LRP1B: variants seen among roughly 807,000 people sequenced by gnomAD.
LRP1B encodes the protein low-density lipoprotein receptor-related protein 1B.
A neutral mutation model predicts 556.6 loss-of-function variants in LRP1B; 217 were observed. That is an observed-to-expected ratio of 0.39 (90% CI 0.35 to 0.44). The LOEUF is 0.44. Among genes scored for constraint, LRP1B ranks in the 20% least tolerant of loss-of-function variants. LRP1B has a pLI of 1.00. For synonymous variants in LRP1B, 2,047 were observed against 1,865.8 expected (o/e 1.10, Z -2.50); for missense variants, 5,053 against 5,620.8 (o/e 0.90, Z 3.23).
intron 23 of LRP1B, chr2:140,898,622 TC>T (rs1559182075): frequency 2.8e-6 from 1 of 353,240 alleles, no homozygotes; most frequent in Non-Finnish European, 5.6e-6. Context: ...TTGAAGAACC[TC>T]CCCCTGAACA....
In LRP1B at chr2:140,352,973, T is replaced by C; in HGVS notation, c.11630A>G (p.Asn3877Ser). Residue 3877 changes from asparagine (N) to serine (S), a missense_variant, in exon 76 of 91, where the codon AAT (asparagine) becomes AGT (serine). Physicochemically the swap from Asn to Ser is conservative, Grantham distance 46. Around this residue, in one of 5 missense-constraint regions of LRP1B, gnomAD observed 599 missense variants for 648.4 expected, o/e 0.92. Coordinates refer to ENST00000389484, the MANE Select transcript of LRP1B (RefSeq NM_018557.3). ...CTTACCTTCTGCTATGCAGGTGTTA[T>C]TTCTTTCTTGAAAATTCTGGTCACA... ...CVCDQNFQERNNTCIAEGSED... is the reference protein window; with the variant it reads ...CVCDQNFQERSNTCIAEGSED... 6.2e-7 allele frequency: 1 copy of C among 1,612,720 alleles called. No individual in the cohort carries two copies. Among genetic ancestry groups the C allele is most frequent in the African/African-American group, 1.3e-5 (1 of 74,986 alleles).
chr2:140,739,591 T>C (rs557302634), intron 35 of LRP1B, among the ~76,000 whole-genome samples: 1 of 152,216 alleles, frequency 6.6e-6, no homozygotes, highest in Non-Finnish European at 1.5e-5. Flanking sequence ...GAGTTTCTTA[T>C]CATGTTCATC....
chr2:141,751,963 A>G (rs1458246336), intron 2 of LRP1B, among the ~76,000 whole-genome samples: 1 of 151,618 alleles, frequency 6.6e-6, no homozygotes, highest in Non-Finnish European at 1.5e-5. Flanking sequence ...ACATTTTCAA[A>G]CACCACAATA....
At chr2:140,350,687 T>TAATTGAA in intron 77 of LRP1B, 110 bp downstream of exon 77, 1 of 880,334 alleles carries the variant, frequency 1.1e-6, no homozygotes, top group Non-Finnish European at 1.6e-6. Context: ...ATTGGGAGAA[T>TAATTGAA]AATTGAATAT....
intron 3 of LRP1B, among the ~76,000 whole-genome samples, chr2:141,279,601 T>A (rs1573747505): frequency 1.3e-5 from 2 of 152,156 alleles, no homozygotes; most frequent in Admixed American, 1.3e-4. Flanking sequence ...GTCTGACACA[T>A]GAAATATGTC....
At chr2:141,739,005 T>C (rs1693596336) in intron 2 of LRP1B, among the ~76,000 whole-genome samples, 1 of 152,110 alleles carries the variant, frequency 6.6e-6, no homozygotes, top group Admixed American at 6.6e-5. Flanking sequence ...AACACTAACG[T>C]ATGTACACTC....
chr2:141,677,434 A>G (rs1483800195), intron 2 of LRP1B, among the ~76,000 whole-genome samples: 9 of 152,170 alleles, frequency 5.9e-5, no homozygotes, highest in African/African-American at 2.2e-4. Context: ...ACATTATTAC[A>G]GGGGAGTTAT....
intron 3 of LRP1B, among the ~76,000 whole-genome samples, chr2:141,433,998 T>C (rs1469792646): frequency 6.6e-6 from 1 of 151,844 alleles, no homozygotes; most frequent in Admixed American, 6.6e-5. Flanking sequence ...ACTTGATGAG[T>C]TGTTTCCACC....
chr2:141,820,355 G>T (rs1696712697), intron 1 of LRP1B, among the ~76,000 whole-genome samples: 1 of 152,156 alleles, frequency 6.6e-6, no homozygotes, highest in African/African-American at 2.4e-5. Flanking sequence ...GTACATTTTA[G>T]GGGCTAGGGG....
intron 43 of LRP1B, among the ~76,000 whole-genome samples, chr2:140,593,711 A>G (rs1384464468): frequency 6.6e-6 from 1 of 152,182 alleles, no homozygotes. Flanking sequence ...CTAAGATAAA[A>G]CAGAATAATA....
At chr2:140,561,286 C>G (rs1435438076) in intron 43 of LRP1B, among the ~76,000 whole-genome samples, 2 of 152,122 alleles carry the variant, frequency 1.3e-5, no homozygotes, top group African/African-American at 4.8e-5. Flanking sequence ...GAGATCCTGC[C>G]CCATACCGAC....
intron 66 of LRP1B, among the ~76,000 whole-genome samples, chr2:140,388,990 T>C (rs1009608490): frequency 3.3e-5 from 5 of 152,154 alleles, no homozygotes; most frequent in African/African-American, 1.2e-4. Flanking sequence ...CATATATATT[T>C]CCATGTTATA....
chr2:140,478,144 CTTTTTTTTT>C (rs35948232), intron 59 of LRP1B, among the ~76,000 whole-genome samples: 1 of 62,782 alleles, frequency 1.6e-5, no homozygotes, highest in Non-Finnish European at 3.2e-5. Context: ...TATAACTTAA[CTTTTTTTTT>C]TTTTTTTTTT....
At chr2:140,245,932 A>T (rs1471742191) in intron 87 of LRP1B, among the ~76,000 whole-genome samples, 1 of 151,208 alleles carries the variant, frequency 6.6e-6, no homozygotes, top group African/African-American at 2.4e-5. Context: ...AAAATCACTC[A>T]CCTCACCTAT....
chr2:141,754,884 AG>A (rs1256023392), intron 2 of LRP1B, among the ~76,000 whole-genome samples: 1 of 152,164 alleles, frequency 6.6e-6, no homozygotes, highest in Non-Finnish European at 1.5e-5. Context: ...TCCAATTTTA[AG>A]GCTAGTAGGA....
At chr2:140,624,229 A>G (rs516729) in intron 41 of LRP1B, among the ~76,000 whole-genome samples, 5 of 151,446 alleles carry the variant, frequency 3.3e-5, no homozygotes, top group East Asian at 2.0e-4. Flanking sequence ...TGCCAGGAAG[A>G]CTTTAGGCCT....
chr2:141,610,280 C>T (rs1032881142), intron 2 of LRP1B, among the ~76,000 whole-genome samples: 2 of 41,186 alleles, frequency 4.9e-5, no homozygotes, highest in South Asian at 6.3e-4. Context: ...AACTAACCTG[C>T]ACACTGTGCA....
chr2:141,913,222 A>T (rs6747481), intron 1 of LRP1B, among the ~76,000 whole-genome samples: 118,115 of 152,100 alleles, frequency 0.78, 47,886 homozygotes, highest in East Asian at 1. Context: ...TATGTTTCGT[A>T]TATTTTGCCA....
chr2:142,096,799 T>C (rs1228401260), intron 1 of LRP1B, among the ~76,000 whole-genome samples: 6 of 151,588 alleles, frequency 4.0e-5, no homozygotes, highest in African/African-American at 1.2e-4. Context: ...AATGATGAAG[T>C]TTGGGGTATG....
Sources: allele counts gnomAD v4.1 joint callset (sites outside exome capture counted in the v4.1 genomes callset), GRCh38; gene constraint gnomAD v4.1.1; regional missense constraint gnomAD v4.1.1; transcripts MANE v1.5; gene names NCBI Gene and HGNC (gene_info 2026-07-23, HGNC 2026-07-21).